Variants in MFSD11 observed in about 807,000 individuals in gnomAD.
MFSD11 encodes the protein UNC93-like protein MFSD11.
In MFSD11, 36 loss-of-function variants were observed where a neutral mutation model predicts 53.5. The observed-to-expected ratio is 0.67, with a 90% confidence interval of 0.52 to 0.89. The LOEUF (loss-of-function observed/expected upper bound fraction) is 0.89, where lower values mean the gene tolerates loss of function less well. Ranked by LOEUF, MFSD11 falls within the 40% of genes least tolerant of loss-of-function variation. MFSD11 has a pLI of 0.00. For missense variants in MFSD11, 530 were observed against 543.9 expected (o/e 0.97, Z 0.25); for synonymous variants, 186 against 184.9 (o/e 1.01, Z -0.05).
At chr17:76,761,902 C>T (rs1314883154) in intron 8 of MFSD11, among the ~76,000 whole-genome samples, 2 of 147,060 alleles carry the variant, frequency 1.4e-5, no homozygotes, top group African/African-American at 5.1e-5. Flanking sequence ...GCCTGGGCGA[C>T]AGAGCTAGAC....
chr17:76,758,472 A>T (rs758419633), intron 8 of MFSD11, among the ~76,000 whole-genome samples: 2 of 151,200 alleles, frequency 1.3e-5, no homozygotes, highest in African/African-American at 2.4e-5. Flanking sequence ...AGCCCCAGCT[A>T]CTTGGGAGGC....
At chr17:76,774,344 C>G (rs1400151239) in intron 10 of MFSD11, among the ~76,000 whole-genome samples, 1 of 152,150 alleles carries the variant, frequency 6.6e-6, no homozygotes, top group Non-Finnish European at 1.5e-5. Context: ...CCACCTTGGC[C>G]TCCCAAAGTG....
intron 7 of MFSD11, among the ~76,000 whole-genome samples, chr17:76,749,117 C>T (rs1251598353): frequency 6.6e-6 from 1 of 152,184 alleles, no homozygotes; most frequent in East Asian, 1.9e-4. Flanking sequence ...GTATACACTT[C>T]AGTGCTTTTG....
At chr17:76,736,666 G>A (rs979272036), upstream of MFSD11, 18 of 1,214,372 alleles carry the variant, frequency 1.5e-5, no homozygotes, top group African/African-American at 4.8e-5. Flanking sequence ...GTGGCCGGAG[G>A]GTCGCGAGAC....
At chr17:76,781,989 T>C (rs1366133111), downstream of MFSD11, among the ~76,000 whole-genome samples, 1 of 117,180 alleles carries the variant, frequency 8.5e-6, no homozygotes, top group Non-Finnish European at 1.6e-5. Context: ...GCCTGGATAA[T>C]TTTTTTTTTT....
downstream of MFSD11, among the ~76,000 whole-genome samples, chr17:76,780,533 C>G (rs1169524035): frequency 2.4e-5 from 3 of 126,718 alleles, no homozygotes; most frequent in African/African-American, 3.4e-5. Context: ...TTTTTTTTTT[C>G]AAGACAGCGT....
intron 8 of MFSD11, among the ~76,000 whole-genome samples, chr17:76,764,898 G>A (rs1333101298): frequency 6.6e-6 from 1 of 152,142 alleles, no homozygotes; most frequent in East Asian, 1.9e-4. Context: ...GCGTACAAGG[G>A]TTGTCTTTCC....
intron 8 of MFSD11, among the ~76,000 whole-genome samples, chr17:76,759,401 A>G (rs989385942): frequency 6.6e-5 from 10 of 150,930 alleles, no homozygotes; most frequent in Non-Finnish European, 1.2e-4. Context: ...TCCTGCCTCA[A>G]TCCCCTGAGT....
intron 10 of MFSD11, 102 bp from the exon 11 acceptor site, chr17:76,774,895 A>T (rs2081673738): frequency 8.3e-7 from 1 of 1,199,410 alleles, no homozygotes; most frequent in Non-Finnish European, 1.2e-6. Flanking sequence ...AAGAAATTTA[A>T]CAAGTGAGAA....
chr17:76,744,509 T>G, intron 7 of MFSD11, 43 bp downstream of exon 7: 1 of 1,564,682 alleles, frequency 6.4e-7, no homozygotes, highest in Non-Finnish European at 8.7e-7. Flanking sequence ...AAATAGATTT[T>G]GAGTAGATCT....
chr17:76,798,489 T>C, the MFSD11 span, among the ~76,000 whole-genome samples: 6 of 152,190 alleles, frequency 3.9e-5, no homozygotes, highest in African/African-American at 1.4e-4. Context: ...ACCAGTCATT[T>C]GTGAGACTAT....
downstream of MFSD11, among the ~76,000 whole-genome samples, chr17:76,783,383 C>G (rs556926326): frequency 5.3e-5 from 8 of 152,202 alleles, no homozygotes; most frequent in African/African-American, 1.9e-4. Flanking sequence ...TATTGAACCA[C>G]AGGTGTTTTT....
At chr17:76,763,530 C>T (rs1045964630) in intron 8 of MFSD11, among the ~76,000 whole-genome samples, 1 of 152,122 alleles carries the variant, frequency 6.6e-6, no homozygotes, top group Non-Finnish European at 1.5e-5. Context: ...TCCCAAAGTG[C>T]TGGGATTACA....
chr17:76,791,659 C>A, the MFSD11 span, among the ~76,000 whole-genome samples: 1 of 148,716 alleles, frequency 6.7e-6, no homozygotes, highest in Non-Finnish European at 1.5e-5. Context: ...GTGGCTGCCC[C>A]CCAAGCTGTA....
chr17:76,749,907 G>A (rs1295711887), intron 7 of MFSD11, among the ~76,000 whole-genome samples: 1 of 147,994 alleles, frequency 6.8e-6, no homozygotes, highest in Admixed American at 6.8e-5. Flanking sequence ...AAAAAAAAAA[G>A]CAGAGAAGCA....
chr17:76,772,339 G>A (rs929611067), intron 10 of MFSD11, among the ~76,000 whole-genome samples: 6 of 151,544 alleles, frequency 4.0e-5, no homozygotes, highest in African/African-American at 1.5e-4. Flanking sequence ...GTGGGAGGTT[G>A]CAGTGAATCC....
At chr17:76,773,230 T>A (rs2081525732) in intron 10 of MFSD11, 1 of 152,242 alleles carries the variant, frequency 6.6e-6, no homozygotes, top group South Asian at 2.1e-4. Flanking sequence ...ATCCCTAGAG[T>A]CACATCCCCG....
At chr17:76,744,260 C>T (rs1446955837) in intron 6 of MFSD11, 62 bp from the exon 7 acceptor site, 15 of 1,513,224 alleles carry the variant, frequency 9.9e-6, no homozygotes, top group South Asian at 7.7e-5. Flanking sequence ...GCCCTTGTAC[C>T]GTGATACTAA....
chr17:76,743,708 C>T (rs1280170433), intron 6 of MFSD11, among the ~76,000 whole-genome samples: 1 of 152,152 alleles, frequency 6.6e-6, no homozygotes, highest in Admixed American at 6.5e-5. Flanking sequence ...CCTCCGCCTC[C>T]CGGGTTCAAA....
Sources: gnomAD v4.1 joint callset for allele counts (sites outside exome capture counted in the v4.1 genomes callset) on GRCh38, gnomAD v4.1.1 for gene constraint, MANE v1.5 for transcripts, NCBI Gene and HGNC (gene_info 2026-07-23, HGNC 2026-07-21) for gene names.